ADRA1A: variants seen among roughly 807,000 people sequenced by gnomAD.
ADRA1A encodes adrenoceptor alpha 1A.
ADRA1A carries 31 observed loss-of-function variants against 29.6 expected under a neutral mutation model. The observed-to-expected ratio is 1.05, with a 90% confidence interval of 0.79 to 1.41. The LOEUF is 1.41. ADRA1A is among the 40% of genes most tolerant of loss of function. The probability of loss-of-function intolerance (pLI) is 0.00; values close to 1 mark genes in which losing one functional copy is unlikely to be tolerated. For synonymous variants in ADRA1A, 311 were observed against 254.3 expected (o/e 1.22, Z -2.12); for missense variants, 619 against 601.1 (o/e 1.03, Z -0.31).
At chr8:26,757,656 A>T (rs188466570) in intron 2 of ADRA1A, among the ~76,000 whole-genome samples, 1 of 152,132 alleles carries the variant, frequency 6.6e-6, no homozygotes, top group Non-Finnish European at 1.5e-5. Flanking sequence ...ATTTGCAGTG[A>T]AGTCAAAACG....
intron 2 of ADRA1A, among the ~76,000 whole-genome samples, chr8:26,826,023 C>G (rs1481517021): frequency 6.6e-6 from 1 of 152,166 alleles, no homozygotes; most frequent in Admixed American, 6.5e-5. Flanking sequence ...CTCACTTACA[C>G]AATGAGTTCA....
At position 26,841,438 on chromosome 8, in the gene ADRA1A, GC is replaced by G. The variant is rs1563298511; in HGVS notation, c.883+22648del. 6.6e-6 allele frequency among the ~76,000 whole-genome samples: 1 copy of G among 152,246 alleles called. No homozygotes were observed. Among genetic ancestry groups the G allele is most frequent in the East Asian group, 1.9e-4 (1 of 5,180 alleles). Reference sequence around the variant, plus strand: ...CATCGGGCTTTCCCAGATATCCTTTGCATTCAAATCCTCTCAACCACTGCCT... The same window carrying G: ...CATCGGGCTTTCCCAGATATCCTTTGATTCAAATCCTCTCAACCACTGCCT... On this transcript the variant is annotated intron_variant, in intron 2 of 2. Transcript: ENST00000380573. The surrounding 1 kb of genome is among the most constrained non-coding windows in gnomAD (Gnocchi z 4.4).
At position 26,824,365 on chromosome 8, in the gene ADRA1A, T is replaced by C. The variant is rs73562199; in HGVS notation, c.883+39722A>G. Among the ~76,000 whole-genome samples the C allele has an allele frequency of 2.6e-3, 396 of 152,202 alleles. 2 individuals carry two copies. The highest frequency in any genetic ancestry group is 8.5e-3 in the African/African-American group (355 of 41,532). On this transcript the variant is annotated intron_variant, in intron 2 of 2. Transcript: ENST00000380573. ...AACTAGAGTCTCCGTGTCAGCCCTG[T>C]TGCATGCCCGCCGGGAAGCCACGGT...
At chr8:26,794,340 AG>A (rs926937496) in intron 2 of ADRA1A, among the ~76,000 whole-genome samples, 1 of 152,140 alleles carries the variant, frequency 6.6e-6, no homozygotes, top group African/African-American at 2.4e-5. Flanking sequence ...TTAGGAGGAA[AG>A]AAGCCTGCTA....
intron 2 of ADRA1A, among the ~76,000 whole-genome samples, chr8:26,863,754 G>C (rs1011429629): frequency 6.6e-6 from 1 of 152,208 alleles, no homozygotes; most frequent in Non-Finnish European, 1.5e-5. Flanking sequence ...TGGAGACTCT[G>C]AGACTAGAGA....
At position 26,864,889 on chromosome 8, in the gene ADRA1A, A is replaced by T; in HGVS notation, c.81T>A (p.Ile27=). The change falls in exon 2 of 3, where the codon ATT becomes ATA. Residue 27 remains isoleucine (I), a synonymous_variant. Transcript: ENST00000380573. The surrounding 1 kb of genome is among the most constrained non-coding windows in gnomAD (Gnocchi z 8.1). ...GGCCCCCCAAGATCACCCCGAGCAG[A>T]ATGGCCTTGGAAATGTTCACCGGTG... ...PPAPVNISKA[I]LLGVILGGLI... 6.2e-7 allele frequency: 1 copy of T among 1,613,910 alleles called. No individual in the cohort carries two copies. Among genetic ancestry groups the T allele is most frequent in the Non-Finnish European group, 8.5e-7 (1 of 1,179,992 alleles).
At chr8:26,837,587 G>A (rs973915382) in intron 2 of ADRA1A, among the ~76,000 whole-genome samples, 2 of 151,232 alleles carry the variant, frequency 1.3e-5, no homozygotes, top group Non-Finnish European at 2.9e-5. Context: ...GGAGGTGGAA[G>A]TTGCAGTGAG....
rs1585828544 is a variant in ADRA1A at position 26,848,309 on chromosome 8, G to A, written c.883+15778C>T. Among the ~76,000 whole-genome samples the A allele has an allele frequency of 6.6e-6, 1 of 152,218 alleles. No individual in the cohort carries two copies. Among genetic ancestry groups the A allele is most frequent in the African/African-American group, 2.4e-5 (1 of 41,444 alleles). ...GTTTGTGTCCTCCCCAAATCCACAT[G>A]TTGAAACCCTAACCACCAGTGTGAT... On this transcript the variant is annotated intron_variant, in intron 2 of 2. Transcript: ENST00000380573. The surrounding 1 kb of genome is among the most constrained non-coding windows in gnomAD (Gnocchi z 4.3).
chr8:26,854,431 G>GGGC (rs77372491), intron 2 of ADRA1A: 1 of 116,276 alleles, frequency 8.6e-6, no homozygotes, highest in East Asian at 3.0e-4. Flanking sequence ...GGCGGGGGGG[G>GGGC]GGAGCAGGCA....
At chr8:26,768,354 A>G (rs925513888), downstream of ADRA1A, among the ~76,000 whole-genome samples, 1 of 152,244 alleles carries the variant, frequency 6.6e-6, no homozygotes, top group African/African-American at 2.4e-5. Context: ...GTTTTAGACC[A>G]CTGATTGTTG....
intron 2 of ADRA1A, among the ~76,000 whole-genome samples, chr8:26,760,384 G>T (rs1021986428): frequency 2.0e-5 from 3 of 152,142 alleles, no homozygotes; most frequent in Non-Finnish European, 4.4e-5. Flanking sequence ...TCAGAAGGTC[G>T]AAATTAAGAG....
chr8:26,754,279 T>C (rs1805051763), downstream of ADRA1A, among the ~76,000 whole-genome samples: 1 of 152,166 alleles, frequency 6.6e-6, no homozygotes, highest in Non-Finnish European at 1.5e-5. Context: ...TTCACACACA[T>C]AAATATATTA....
At chr8:26,797,109 T>C (rs367922892) in intron 2 of ADRA1A, among the ~76,000 whole-genome samples, 28 of 152,278 alleles carry the variant, frequency 1.8e-4, no homozygotes, top group African/African-American at 6.0e-4. Flanking sequence ...ATGTGTGTTA[T>C]TGTAACAGAT....
At chr8:26,844,114 T>C (rs1339199750) in intron 2 of ADRA1A, among the ~76,000 whole-genome samples, 1 of 152,194 alleles carries the variant, frequency 6.6e-6, no homozygotes, top group Non-Finnish European at 1.5e-5. Flanking sequence ...GTCATCTGGA[T>C]CATATGTTGT....
At chr8:26,758,625 C>T (rs1287955787) in intron 2 of ADRA1A, among the ~76,000 whole-genome samples, 7 of 152,182 alleles carry the variant, frequency 4.6e-5, no homozygotes, top group Non-Finnish European at 7.3e-5. Flanking sequence ...GAGATGGGAA[C>T]TGCAATGAAG....
In ADRA1A at chr8:26,821,442, C is replaced by T. The variant is rs1005655123; in HGVS notation, c.883+42645G>A. Among the ~76,000 whole-genome samples, 1 of 152,004 alleles carries T rather than the reference C, an allele frequency of 6.6e-6. No homozygotes were observed. The highest frequency in any genetic ancestry group is 2.4e-5 in the African/African-American group (1 of 41,356). The stretch of plus-strand genomic sequence containing the variant: ...CTCAGACTTTTAAACAAGCAGACCT[C>T]GAGTGAACTGAGAACTCACTTTTCA... On this transcript the variant is annotated intron_variant, in intron 2 of 2. Transcript: ENST00000380573. This position sits in a 1 kb window ranked among gnomAD's most constrained non-coding sequence, Gnocchi z 5.6.
Position 26,792,191 on chromosome 8 carries a change from G to A in ADRA1A, c.884-21525C>T, listed in dbSNP as rs115683732. ...TTAATCATTGCAATCTACAGAGGAT[G>A]TCTCCTATCCCACCCTCAGCAGCAG... On this transcript the variant is annotated intron_variant, in intron 2 of 2. Transcript: ENST00000380573. Among the ~76,000 whole-genome samples, 474 of 152,172 alleles carry A rather than the reference G, an allele frequency of 3.1e-3. 4 individuals are homozygous for A. Among genetic ancestry groups the A allele is most frequent in the African/African-American group, 0.011 (451 of 41,528 alleles).
intron 2 of ADRA1A, among the ~76,000 whole-genome samples, chr8:26,808,209 T>C (rs1261716081): frequency 1.3e-5 from 2 of 152,192 alleles, no homozygotes; most frequent in Non-Finnish European, 2.9e-5. Context: ...TTTACTTATG[T>C]TTCCTACACA....
downstream of ADRA1A, among the ~76,000 whole-genome samples, chr8:26,763,341 G>T (rs1805613308): frequency 6.6e-6 from 1 of 152,184 alleles, no homozygotes; most frequent in Admixed American, 6.5e-5. The surrounding 1 kb of genome is among the most constrained non-coding windows in gnomAD (Gnocchi z 4.5). Flanking sequence ...GGTTGGCCTT[G>T]GTCAGGAGGT....
Sources: gnomAD v4.1 joint callset for allele counts (sites outside exome capture counted in the v4.1 genomes callset) on GRCh38, gnomAD v4.1.1 for gene constraint, Gnocchi (gnomAD v3.1) non-coding constraint, MANE v1.5 for transcripts, NCBI Gene and HGNC (gene_info 2026-07-23, HGNC 2026-07-21) for gene names.